RBFOX1: variants seen among roughly 807,000 people sequenced by gnomAD.
RBFOX1 encodes RNA binding fox-1 homolog 1, also known as RNA binding protein fox-1 homolog 1.
In RBFOX1, 8 loss-of-function variants were observed where a neutral mutation model predicts 57.7. The observed-to-expected ratio is 0.14, with a 90% CI of 0.08 to 0.25. RBFOX1 has a LOEUF of 0.25. Ranked by LOEUF, RBFOX1 falls within the 10% of genes least tolerant of loss-of-function variation. The probability of loss-of-function intolerance (pLI) is 1.00; values close to 1 mark genes in which losing one functional copy is unlikely to be tolerated. For missense variants in RBFOX1, 611 were observed against 548.5 expected (o/e 1.11, Z -1.14); for synonymous variants, 326 against 222.4 (o/e 1.47, Z -4.15).
intron 10 of RBFOX1, among the ~76,000 whole-genome samples, chr16:7,612,181 C>A (rs957681742): frequency 4.6e-5 from 7 of 151,716 alleles, no homozygotes; most frequent in African/African-American, 1.7e-4. Context: ...ATTAGCCGGG[C>A]GTGGTGGTGG....
chr16:7,697,306 C>G (rs570288255), intron 14 of RBFOX1, among the ~76,000 whole-genome samples: 3 of 152,142 alleles, frequency 2.0e-5, no homozygotes, highest in East Asian at 1.9e-4. Context: ...TGTACAAGCT[C>G]GAGTCTGTTA....
intron 2 of RBFOX1, among the ~76,000 whole-genome samples, chr16:6,589,284 T>C (rs1461191715): frequency 6.6e-6 from 1 of 152,158 alleles, no homozygotes; most frequent in Non-Finnish European, 1.5e-5. Context: ...GACAGGGAAA[T>C]TGCAATAGAA....
intron 4 of RBFOX1, among the ~76,000 whole-genome samples, chr16:7,471,946 A>G (rs943320677): frequency 2.0e-5 from 3 of 152,166 alleles, no homozygotes. Context: ...CACGGGCTGA[A>G]GAAGCTGACA....
At chr16:7,027,721 C>A (rs911283428) in intron 3 of RBFOX1, among the ~76,000 whole-genome samples, 1 of 152,104 alleles carries the variant, frequency 6.6e-6, no homozygotes, top group Non-Finnish European at 1.5e-5. Flanking sequence ...TTTAATTCAC[C>A]AGTAAAACAA....
intron 1 of RBFOX1, among the ~76,000 whole-genome samples, chr16:5,460,904 A>C (rs2068767971): frequency 6.6e-6 from 1 of 152,180 alleles, no homozygotes; most frequent in Non-Finnish European, 1.5e-5. Context: ...TAGCGATTAC[A>C]CATATTGTCA....
chr16:7,005,024 A>T (rs1230776353), intron 3 of RBFOX1, among the ~76,000 whole-genome samples: 1 of 152,304 alleles, frequency 6.6e-6, no homozygotes, highest in East Asian at 1.9e-4. Context: ...CGTGCCTGTT[A>T]TCCCAGCTAC....
intron 2 of RBFOX1, among the ~76,000 whole-genome samples, chr16:6,341,889 C>T (rs1187903889): frequency 6.6e-6 from 1 of 152,170 alleles, no homozygotes; most frequent in African/African-American, 2.4e-5. Context: ...TTTAACGATT[C>T]TCGTGATTCC....
intron 14 of RBFOX1, among the ~76,000 whole-genome samples, chr16:7,684,485 C>G (rs924490438): frequency 6.6e-6 from 1 of 151,922 alleles, no homozygotes; most frequent in Non-Finnish European, 1.5e-5. Flanking sequence ...AAAGCTGAAA[C>G]ATAATCAAAG....
chr16:6,375,121 A>G (rs1204321918), intron 2 of RBFOX1, among the ~76,000 whole-genome samples: 1 of 152,114 alleles, frequency 6.6e-6, no homozygotes, highest in Non-Finnish European at 1.5e-5. Context: ...ATCAGAAATC[A>G]TTTCCTTAGG....
chr16:6,967,964 G>T (rs941941105), intron 3 of RBFOX1, among the ~76,000 whole-genome samples: 3 of 152,184 alleles, frequency 2.0e-5, no homozygotes, highest in Non-Finnish European at 4.4e-5. Context: ...AACGCTCGGG[G>T]AGAGAGGTTG....
intron 3 of RBFOX1, among the ~76,000 whole-genome samples, chr16:6,854,123 C>G (rs1370034268): frequency 6.6e-6 from 1 of 152,100 alleles, no homozygotes; most frequent in Non-Finnish European, 1.5e-5. Flanking sequence ...CTCCATTGCT[C>G]TGTATTGTAA....
intron 3 of RBFOX1, among the ~76,000 whole-genome samples, chr16:6,662,332 T>C (rs2154099611): frequency 6.6e-6 from 1 of 152,300 alleles, no homozygotes; most frequent in Non-Finnish European, 1.5e-5. Context: ...ATTAGCTTGG[T>C]AGTAGTAATC....
At position 5,288,649 on chromosome 16, in the gene RBFOX1, A is replaced by C. The variant is rs533868860; in HGVS notation, c.219+48544A>C. Among the ~76,000 whole-genome samples the C allele has an allele frequency of 6.0e-3, 905 of 151,572 alleles. 5 individuals are homozygous for C. The highest frequency in any genetic ancestry group is 0.012 in the South Asian group (56 of 4,810). On this transcript the variant is annotated intron_variant, in intron 1 of 2. Transcript: ENST00000585867. Reference sequence around the variant, plus strand: ...TTCCTTTTCTTTTTTTTTTTAACTAAAAGAGTTGACAATTTTATTTTCACA... The same window carrying C: ...TTCCTTTTCTTTTTTTTTTTAACTACAAGAGTTGACAATTTTATTTTCACA...
Position 5,694,815 on chromosome 16 carries a change from G to A in RBFOX1, c.318+95854G>A, listed in dbSNP as rs2050798890. 2.3e-5 allele frequency among the ~76,000 whole-genome samples: 3 copies of A among 127,992 alleles called. No individual in the cohort carries two copies. In the South Asian group the frequency reaches 7.5e-4, roughly 32 times the overall value. The allele number at this position is 127,992 out of a possible 152,430, so 84.0% of individuals were successfully genotyped here. A position where few individuals can be genotyped will look rare whatever the true frequency, so the allele number is the denominator to read the frequency against. ...TGGGTTTGTTTTTGTTTTTGTTTTTGTTTTGCTTGTGCAATTGGAGCGATG... is the reference window on the plus strand; with the variant it reads ...TGGGTTTGTTTTTGTTTTTGTTTTTATTTTGCTTGTGCAATTGGAGCGATG... On this transcript the variant is annotated intron_variant, in intron 3 of 19. Transcript: ENST00000641259.
intron 2 of RBFOX1, among the ~76,000 whole-genome samples, chr16:6,504,896 T>C (rs1450413133): frequency 9.2e-6 from 1 of 109,152 alleles, no homozygotes; most frequent in Non-Finnish European, 2.1e-5. Context: ...TCTACTAAAA[T>C]TACAAAAAAA....
chr16:6,536,326 T>C (rs2034425235), intron 2 of RBFOX1, among the ~76,000 whole-genome samples: 1 of 152,204 alleles, frequency 6.6e-6, no homozygotes, highest in Admixed American at 6.5e-5. Flanking sequence ...AGATATCACT[T>C]TGCAATTTAT....
intron 1 of RBFOX1, among the ~76,000 whole-genome samples, chr16:6,211,997 A>G (rs1444440396): frequency 6.6e-6 from 1 of 152,018 alleles, no homozygotes; most frequent in East Asian, 1.9e-4. Flanking sequence ...TTACAGGCAC[A>G]CAGCGCCATG....
intron 3 of RBFOX1, among the ~76,000 whole-genome samples, chr16:5,752,021 T>C (rs2053226145): frequency 1.3e-5 from 2 of 152,102 alleles, no homozygotes; most frequent in Non-Finnish European, 1.5e-5. Flanking sequence ...ATGGAGTAAA[T>C]CTAAATTCCC....
intron 1 of RBFOX1, among the ~76,000 whole-genome samples, chr16:5,240,443 GC>G (rs1239184603): frequency 6.6e-6 from 1 of 152,120 alleles, no homozygotes; most frequent in Admixed American, 6.5e-5. Flanking sequence ...CCTGTCTGGG[GC>G]ATCTGTCTGG....
Sources: gnomAD v4.1 joint callset for allele counts (sites outside exome capture counted in the v4.1 genomes callset) on GRCh38, gnomAD v4.1.1 for gene constraint, MANE v1.5 for transcripts, NCBI Gene and HGNC (gene_info 2026-07-23, HGNC 2026-07-21) for gene names.